Variants in PALMD observed in about 807,000 individuals in gnomAD.
PALMD encodes the protein paralemmin-like protein.
Under a neutral mutation model 56.2 loss-of-function variants are expected in PALMD, and 42 were observed. The ratio of observed to expected loss-of-function variants is 0.75; its 90% CI spans 0.58 to 0.97. PALMD has a LOEUF of 0.97. Ranked by LOEUF, PALMD falls within the 50% of genes least tolerant of loss-of-function variation. The pLI, the probability that PALMD is intolerant of heterozygous loss-of-function variation, is 0.00. For synonymous variants in PALMD, 242 were observed against 222.9 expected, an observed-to-expected ratio of 1.09 and a Z score of -0.76; for missense variants, 660 against 643.8, an observed-to-expected ratio of 1.03 and a Z score of -0.27.
At chr1:99,681,003 C>T (rs1386738048) in intron 3 of PALMD, among the ~76,000 whole-genome samples, 2 of 151,842 alleles carry the variant, frequency 1.3e-5, no homozygotes, top group Non-Finnish European at 2.9e-5. Context: ...TGCAACAGTT[C>T]ATGAAATGAA....
chr1:99,679,792 T>C (rs1178631923), intron 3 of PALMD, among the ~76,000 whole-genome samples: 1 of 152,170 alleles, frequency 6.6e-6, no homozygotes, highest in Non-Finnish European at 1.5e-5. Context: ...AAAGATCTGA[T>C]TTCAAATTCC....
Position 99,646,389 on chromosome 1 carries a change from T to C in PALMD, c.45+27T>C, listed in dbSNP as rs146960973. ...TAAGTCTGCATACAGTTATAACTCA[T>C]TAACGTTGTTACTTAGAGGAAGGCA... On this transcript the variant is annotated intron_variant, in intron 1 of 7. Transcript: ENST00000263174. 210 of 1,583,506 alleles carry C rather than the reference T, an allele frequency of 1.3e-4. No individual in the cohort carries two copies. The African/African-American group carries it at 2.7e-3, about 20-fold the overall frequency.
At chr1:99,686,030 A>G (rs11166297) in intron 3 of PALMD, 12,146 of 151,594 alleles carry the variant, frequency 0.08, 1,039 homozygotes, top group African/African-American at 0.22. Flanking sequence ...TGTGTGCCCT[A>G]CCCCCCGCCC....
intron 1 of PALMD, among the ~76,000 whole-genome samples, chr1:99,661,734 C>T (rs1248132964): frequency 1.3e-5 from 2 of 152,162 alleles, no homozygotes; most frequent in Non-Finnish European, 2.9e-5. Flanking sequence ...AAAGATACAA[C>T]ATATCTTCAT....
intron 3 of PALMD, among the ~76,000 whole-genome samples, chr1:99,671,551 G>A (rs61784991): frequency 0.055 from 8,414 of 152,214 alleles, 343 homozygotes; most frequent in Non-Finnish European, 0.077. Context: ...CTTTATCCAG[G>A]TATTTTTATT....
intron 3 of PALMD, chr1:99,683,146 GAAAGAAAGAAA>G: frequency 8.2e-6 from 1 of 122,342 alleles, no homozygotes; most frequent in South Asian, 2.6e-4. Flanking sequence ...AAGAAAGAAA[GAAAGAAAGAAA>G]GAAAGAAAGA....
intron 3 of PALMD, among the ~76,000 whole-genome samples, chr1:99,672,151 CGTT>C (rs928910080): frequency 2.6e-5 from 4 of 152,160 alleles, no homozygotes; most frequent in Admixed American, 2.0e-4. Context: ...TTCATCCTGT[CGTT>C]GTCTCCTCCA....
At position 99,689,816 on chromosome 1, in the gene PALMD, A is replaced by T. The variant is rs1264038887; in HGVS notation, c.1556A>T (p.His519Leu). 1 of 1,613,172 alleles carries T rather than the reference A, an allele frequency of 6.2e-7. No homozygotes were observed. Residue 519 changes from histidine to leucine, a missense_variant, in exon 7 of 8, where the codon CAT (histidine) becomes CTT (leucine). Physicochemically the swap from His to Leu is moderately conservative, Grantham distance 99 (BLOSUM62 -3). Coordinates refer to ENST00000263174, the MANE Select transcript of PALMD (RefSeq NM_017734.5). ...QEESLGSPVH[H>L]SPFDAQTTGD... ...GAAAGCTTAGGCAGCCCTGTCCACCATTCCCCATTTGATGCTCAGACAACT... is the reference window on the plus strand; with the variant it reads ...GAAAGCTTAGGCAGCCCTGTCCACCTTTCCCCATTTGATGCTCAGACAACT...
chr1:99,663,366 T>C (rs184765242), intron 2 of PALMD, among the ~76,000 whole-genome samples: 3 of 152,298 alleles, frequency 2.0e-5, no homozygotes, highest in African/African-American at 7.2e-5. Context: ...TATGTCACAT[T>C]GAATTTACAT....
chr1:99,656,297 A>T (rs1046944297), intron 1 of PALMD, among the ~76,000 whole-genome samples: 1 of 152,152 alleles, frequency 6.6e-6, no homozygotes, highest in Non-Finnish European at 1.5e-5. Context: ...GGTAAAATAT[A>T]CTTTTACTGA....
chr1:99,662,986 T>C (rs1357812903), intron 2 of PALMD, among the ~76,000 whole-genome samples: 2 of 152,206 alleles, frequency 1.3e-5, no homozygotes, highest in African/African-American at 2.4e-5. Context: ...TTAAAGCACA[T>C]TGAGTTTCAA....
intron 7 of PALMD, among the ~76,000 whole-genome samples, chr1:99,690,505 T>C (rs1459835589): frequency 6.6e-6 from 1 of 152,160 alleles, no homozygotes; most frequent in African/African-American, 2.4e-5. Context: ...TATATTTGCA[T>C]TTCTCATTCT....
At chr1:99,691,292 G>A (rs897154495) in intron 7 of PALMD, among the ~76,000 whole-genome samples, 3 of 152,140 alleles carry the variant, frequency 2.0e-5, no homozygotes, top group Admixed American at 6.6e-5. Context: ...TCTGAACTTG[G>A]ATATTAGCCA....
At chr1:99,692,864 G>A (rs1314051669) in intron 7 of PALMD, among the ~76,000 whole-genome samples, 1 of 152,184 alleles carries the variant, frequency 6.6e-6, no homozygotes, top group African/African-American at 2.4e-5. Flanking sequence ...TTGCTACAGA[G>A]CACATTCTCT....
intron 2 of PALMD, among the ~76,000 whole-genome samples, chr1:99,662,732 A>G (rs182993575): frequency 1.3e-5 from 2 of 152,290 alleles, no homozygotes; most frequent in Admixed American, 6.5e-5. Flanking sequence ...GAGTGGATCC[A>G]GCTAGGAAGT....
At chr1:99,650,620 C>CT (rs1248138055) in intron 1 of PALMD, among the ~76,000 whole-genome samples, 1 of 152,150 alleles carries the variant, frequency 6.6e-6, no homozygotes, top group Non-Finnish European at 1.5e-5. Context: ...GACCCAAAAG[C>CT]AAGACCTGCT....
At position 99,689,814 on chromosome 1, in the gene PALMD, C is replaced by G; in HGVS notation, c.1554C>G (p.His518Gln). Reference protein sequence around the residue: ...EQEESLGSPVHHSPFDAQTTG... With the variant: ...EQEESLGSPVQHSPFDAQTTG... ...AAGAAAGCTTAGGCAGCCCTGTCCA[C>G]CATTCCCCATTTGATGCTCAGACAA... Residue 518 changes from histidine to glutamine, a missense_variant, in exon 7 of 8, where the codon CAC becomes CAG. His to Gln is a conservative substitution (Grantham distance 24, BLOSUM62 0). Transcript: ENST00000263174. 8.7e-6 allele frequency: 14 copies of G among 1,613,100 alleles called. No individual in the cohort carries two copies. Among genetic ancestry groups the G allele is most frequent in the Non-Finnish European group, 1.0e-5 (12 of 1,179,724 alleles).
chr1:99,663,659 A>G (rs1419654292), intron 2 of PALMD, among the ~76,000 whole-genome samples: 1 of 152,090 alleles, frequency 6.6e-6, no homozygotes, highest in Non-Finnish European at 1.5e-5. Context: ...CCTGCCTCTG[A>G]GTAAAATGAT....
intron 2 of PALMD, 196 bp from the exon 3 acceptor site, chr1:99,667,446 C>A: frequency 1.8e-6 from 1 of 564,340 alleles, no homozygotes. Flanking sequence ...GATTTAGATG[C>A]ATAAAACCTG....
Sources: gnomAD v4.1 joint callset for allele counts (sites outside exome capture counted in the v4.1 genomes callset) on GRCh38, gnomAD v4.1.1 for gene constraint, MANE v1.5 for transcripts, NCBI Gene and HGNC (gene_info 2026-07-23, HGNC 2026-07-21) for gene names.